OPCML: variants seen among roughly 807,000 people sequenced by gnomAD.
The protein encoded by OPCML is opioid binding protein/cell adhesion molecule like, also known as opioid-binding protein/cell adhesion molecule.
In OPCML, 13 loss-of-function variants were observed where a neutral mutation model predicts 37.8. The ratio of observed to expected loss-of-function variants is 0.34; its 90% CI spans 0.22 to 0.55. OPCML has a LOEUF of 0.55. OPCML is among the 20% of genes least tolerant of loss of function. The pLI is 0.91. For synonymous variants in OPCML, 176 were observed against 168.8 expected (o/e 1.04, Z -0.33); for missense variants, 341 against 435.6 (o/e 0.78, Z 1.93).
At chr11:132,559,305 G>A (rs1343075844) in intron 3 of OPCML, among the ~76,000 whole-genome samples, 1 of 152,104 alleles carries the variant, frequency 6.6e-6, no homozygotes, top group African/African-American at 2.4e-5. Flanking sequence ...CAAGGTTATG[G>A]GTAATAATTG....
intron 1 of OPCML, among the ~76,000 whole-genome samples, chr11:133,364,238 A>G (rs1262626354): frequency 1.3e-5 from 2 of 152,258 alleles, no homozygotes; most frequent in Non-Finnish European, 2.9e-5. Context: ...GCACATGTGC[A>G]TGTACAAACC....
intron 2 of OPCML, among the ~76,000 whole-genome samples, chr11:132,763,263 A>G (rs1946328168): frequency 6.6e-6 from 1 of 152,218 alleles, no homozygotes; most frequent in Non-Finnish European, 1.5e-5. Context: ...CTATTCGGCC[A>G]TCTTGCCAGG....
chr11:133,044,592 G>C (rs574591642), intron 1 of OPCML, among the ~76,000 whole-genome samples: 1 of 152,328 alleles, frequency 6.6e-6, no homozygotes, highest in South Asian at 2.1e-4. Flanking sequence ...TCTCAGCCAA[G>C]CACCTTGTAT....
At chr11:132,463,870 G>A (rs2096111249) in intron 4 of OPCML, among the ~76,000 whole-genome samples, 1 of 152,176 alleles carries the variant, frequency 6.6e-6, no homozygotes, top group South Asian at 2.1e-4. Context: ...GCATATTTCT[G>A]AAATTCAAAG....
At chr11:132,735,302 C>T (rs908685180) in intron 2 of OPCML, among the ~76,000 whole-genome samples, 6 of 151,938 alleles carry the variant, frequency 3.9e-5, no homozygotes, top group Admixed American at 2.6e-4. Flanking sequence ...TTTAGGTTGG[C>T]GCCTCAGAGA....
intron 1 of OPCML, among the ~76,000 whole-genome samples, chr11:132,944,323 C>A (rs972964924): frequency 2.0e-5 from 3 of 152,182 alleles, no homozygotes; most frequent in Non-Finnish European, 2.9e-5. Context: ...CCCTGGAGAG[C>A]TGAACTACCC....
At chr11:132,910,816 CA>C (rs1271964671) in intron 2 of OPCML, among the ~76,000 whole-genome samples, 1 of 152,170 alleles carries the variant, frequency 6.6e-6, no homozygotes, top group Non-Finnish European at 1.5e-5. Context: ...GCTGTTTCCG[CA>C]ATATATTCTA....
At position 132,957,104 on chromosome 11, in the gene OPCML, C is replaced by T. The variant is rs1591846267; in HGVS notation, c.62-14094G>A. Among the ~76,000 whole-genome samples the T allele has an allele frequency of 2.0e-5, 3 of 152,320 alleles. No individual in the cohort carries two copies. The South Asian group carries it at 6.2e-4, about 32-fold the overall frequency. ...TATGATCATGCCACTGTATTCCAGT[C>T]TGGGCAACAAAGCAAGACCTTGTCT... On this transcript the variant is annotated intron_variant, in intron 1 of 7. Coordinates refer to ENST00000524381, the MANE Select transcript of OPCML (RefSeq NM_001012393.5).
chr11:133,008,099 C>T (rs1268528461), intron 1 of OPCML: 1 of 985,292 alleles, frequency 1.0e-6, no homozygotes, highest in Non-Finnish European at 1.2e-6. Flanking sequence ...AAGGTTTTCA[C>T]CTTCTACTAT....
At chr11:133,354,283 A>ATGATGG (rs1565588729) in intron 1 of OPCML, among the ~76,000 whole-genome samples, 16 of 13,986 alleles carry the variant, frequency 1.1e-3, no homozygotes, top group African/African-American at 2.1e-3. Context: ...GGTGATAGTG[A>ATGATGG]TGGTGGTGCT....
chr11:132,724,415 A>T (rs1387656185), intron 2 of OPCML, among the ~76,000 whole-genome samples: 1 of 152,156 alleles, frequency 6.6e-6, no homozygotes, highest in East Asian at 1.9e-4. Context: ...ACTTATTCAC[A>T]ATCACGAGAA....
intron 1 of OPCML, among the ~76,000 whole-genome samples, chr11:132,957,130 C>CAAACCA (rs766851372): frequency 1.8e-4 from 27 of 152,268 alleles, no homozygotes; most frequent in Admixed American, 4.6e-4. Flanking sequence ...GACCTTGTCT[C>CAAACCA]AAACCAAAAC....
At chr11:132,849,168 C>G (rs561008654) in intron 2 of OPCML, among the ~76,000 whole-genome samples, 1 of 152,142 alleles carries the variant, frequency 6.6e-6, no homozygotes, top group Non-Finnish European at 1.5e-5. Flanking sequence ...CTATCCATTC[C>G]CAAGCATAAA....
intron 4 of OPCML, among the ~76,000 whole-genome samples, chr11:132,509,112 A>G (rs2096263418): frequency 6.6e-6 from 1 of 152,166 alleles, no homozygotes; most frequent in African/African-American, 2.4e-5. Flanking sequence ...GAAGTGGAGC[A>G]AAGGTGACTC....
chr11:132,806,797 A>G (rs1939037052), intron 2 of OPCML, among the ~76,000 whole-genome samples: 1 of 152,186 alleles, frequency 6.6e-6, no homozygotes, highest in African/African-American at 2.4e-5. Flanking sequence ...CAGTGCCATC[A>G]TACACATTCT....
At chr11:132,420,343 C>A (rs1329757367) in intron 7 of OPCML, 50 bp from the exon 8 acceptor site, 3 of 1,600,144 alleles carry the variant, frequency 1.9e-6, no homozygotes. Flanking sequence ...CCAAGGACAC[C>A]ATAGTTCTTC....
chr11:133,298,165 A>G (rs1012443269), intron 1 of OPCML: 7 of 152,202 alleles, frequency 4.6e-5, no homozygotes, highest in African/African-American at 1.7e-4. Flanking sequence ...GTCTAGTGGT[A>G]GTTCCAGGGC....
intron 4 of OPCML, among the ~76,000 whole-genome samples, chr11:132,513,404 A>ACAGATTT (rs1491205569): frequency 6.6e-6 from 1 of 152,134 alleles, no homozygotes; most frequent in Non-Finnish European, 1.5e-5. Flanking sequence ...AGATTTGAAT[A>ACAGATTT]CAGATTTTGC....
chr11:132,522,223 C>T (rs1245601560), intron 4 of OPCML, among the ~76,000 whole-genome samples: 1 of 152,160 alleles, frequency 6.6e-6, no homozygotes, highest in African/African-American at 2.4e-5. Flanking sequence ...TAACCATATA[C>T]CCAATGAAGG....
Sources: gnomAD v4.1 joint callset for allele counts (sites outside exome capture counted in the v4.1 genomes callset) on GRCh38, gnomAD v4.1.1 for gene constraint, MANE v1.5 for transcripts, NCBI Gene and HGNC (gene_info 2026-07-23, HGNC 2026-07-21) for gene names.